The following NBEA variants were observed in gnomAD, a reference collection of about 807,000 sequenced individuals.
NBEA encodes lysosomal-trafficking regulator 2.
NBEA carries 44 observed loss-of-function variants against 343.4 expected under a neutral mutation model. The ratio of observed to expected loss-of-function variants is 0.13; its 90% confidence interval spans 0.10 to 0.16. NBEA has a LOEUF of 0.16. NBEA is among the 10% of genes least tolerant of loss of function. The pLI, the probability that NBEA is intolerant of heterozygous loss-of-function variation, is 1.00. For missense variants in NBEA, 2,555 were observed against 3,631.3 expected (o/e 0.70, Z 7.62); for synonymous variants, 1,175 against 1,238.7 (o/e 0.95, Z 1.08).
intron 1 of NBEA, among the ~76,000 whole-genome samples, chr13:35,035,490 C>T (rs1014242422): frequency 6.6e-6 from 1 of 151,776 alleles, no homozygotes; most frequent in African/African-American, 2.4e-5. Context: ...TTCTGCAGCT[C>T]CTGGATGAAA....
chr13:35,067,814 G>T (rs1454714398), intron 8 of NBEA, among the ~76,000 whole-genome samples: 1 of 151,994 alleles, frequency 6.6e-6, no homozygotes, highest in African/African-American at 2.4e-5. Context: ...ATGGCTCATT[G>T]TGGTCTCAAA....
At chr13:35,277,820 C>G (rs999554081) in intron 34 of NBEA, among the ~76,000 whole-genome samples, 50 of 151,538 alleles carry the variant, frequency 3.3e-4, no homozygotes, top group African/African-American at 1.1e-3. Context: ...GTTACAGTGG[C>G]TCACACCTGT....
intron 34 of NBEA, among the ~76,000 whole-genome samples, chr13:35,281,752 C>T (rs17051980): frequency 0.042 from 6,428 of 151,788 alleles, 156 homozygotes; most frequent in South Asian, 0.078. Context: ...ACAAAAGCTA[C>T]CTGAAATTTA....
intron 14 of NBEA, 106 bp downstream of exon 14, chr13:35,117,599 A>G: frequency 2.3e-6 from 1 of 431,948 alleles, no homozygotes; most frequent in East Asian, 5.1e-5. Flanking sequence ...TAATTCATGA[A>G]TTGCTTTCAA....
chr13:35,089,654 C>G (rs1467987622), intron 10 of NBEA, among the ~76,000 whole-genome samples: 3 of 126,226 alleles, frequency 2.4e-5, no homozygotes, highest in South Asian at 3.1e-4. Context: ...AGACTTGGAA[C>G]CAACCCAAAT....
At chr13:35,567,677 A>C (rs534924768) in intron 45 of NBEA, among the ~76,000 whole-genome samples, 1 of 152,366 alleles carries the variant, frequency 6.6e-6, no homozygotes, top group Admixed American at 6.5e-5. Context: ...TATGTTAGCC[A>C]TAGTAAAGCC....
At chr13:34,970,350 C>G (rs974118277) in intron 1 of NBEA, among the ~76,000 whole-genome samples, 1 of 151,994 alleles carries the variant, frequency 6.6e-6, no homozygotes, top group African/African-American at 2.4e-5. Flanking sequence ...CGTAGGTTGT[C>G]TGTTTACCCT....
chr13:35,628,857 G>T (rs533562558), intron 49 of NBEA, among the ~76,000 whole-genome samples: 1 of 152,208 alleles, frequency 6.6e-6, no homozygotes, highest in Non-Finnish European at 1.5e-5. Flanking sequence ...GGCAGAGGTT[G>T]CCATGAGCCA....
At chr13:34,977,042 G>C (rs1177892757) in intron 1 of NBEA, among the ~76,000 whole-genome samples, 1 of 150,510 alleles carries the variant, frequency 6.6e-6, no homozygotes, top group African/African-American at 2.4e-5. Flanking sequence ...CCAGGTTCAA[G>C]TGATTCTCCT....
At chr13:35,531,864 T>C (rs2152998939) in intron 41 of NBEA, among the ~76,000 whole-genome samples, 1 of 152,226 alleles carries the variant, frequency 6.6e-6, no homozygotes, top group East Asian at 1.9e-4. Flanking sequence ...AACCTGCCCC[T>C]ATGGAACATC....
intron 1 of NBEA, among the ~76,000 whole-genome samples, chr13:35,015,561 C>T (rs2061629333): frequency 6.6e-6 from 1 of 151,606 alleles, no homozygotes; most frequent in South Asian, 2.1e-4. Context: ...CATTACATTA[C>T]TCTAACAAGT....
At position 35,418,058 on chromosome 13, in the gene NBEA, G is replaced by GCAA. The variant is rs1486927531; in HGVS notation, c.6180-14209_6180-14207dup. Among the ~76,000 whole-genome samples the GCAA allele has an allele frequency of 3.3e-5, 5 of 152,086 alleles. No individual in the cohort carries two copies. The East Asian group carries it at 9.6e-4, about 29-fold the overall frequency. The stretch of plus-strand genomic sequence containing the variant: ...GTCTGTTTTATCAGAGACTAGGATT[G>GCAA]CAACCCCTGCTTTGTTTTGTTTTCC... On this transcript the variant is annotated intron_variant, in intron 38 of 58. Coordinates refer to ENST00000379939, the MANE Select transcript of NBEA (RefSeq NM_001385012.1).
intron 38 of NBEA, among the ~76,000 whole-genome samples, chr13:35,361,324 G>A (rs867410955): frequency 1.3e-5 from 2 of 152,044 alleles, no homozygotes; most frequent in Non-Finnish European, 2.9e-5. Flanking sequence ...AATTCCAGAC[G>A]ACCTCTTTCA....
chr13:35,279,180 G>A (rs117175380), intron 34 of NBEA, among the ~76,000 whole-genome samples: 3,513 of 152,194 alleles, frequency 0.023, 51 homozygotes, highest in Non-Finnish European at 0.033. Context: ...ACATAGATGA[G>A]AATATCACAG....
chr13:35,142,336 A>T lies in NBEA; in HGVS notation c.2404A>T (p.Thr802Ser). 4 of 1,613,336 alleles carry T rather than the reference A, an allele frequency of 2.5e-6. No individual in the cohort carries two copies. Among genetic ancestry groups the T allele is most frequent in the Non-Finnish European group, 2.5e-6 (3 of 1,179,512 alleles). Residue 802 changes from threonine (T) to serine (S), a missense_variant, in exon 18 of 59, where the codon ACA becomes TCA. Transcript: ENST00000379939. ...TLLGERLMLH[T>S]NTVTVTTYNT... ...TCTTGGAGAAAGGCTGATGTTGCAT[A>T]CAAACACTGTGACTGTCACCACATA...
intron 38 of NBEA, among the ~76,000 whole-genome samples, chr13:35,368,241 C>G (rs2041237247): frequency 1.3e-5 from 2 of 151,532 alleles, no homozygotes; most frequent in African/African-American, 4.8e-5. Context: ...TAAATTCCAG[C>G]TATTTCTAAT....
chr13:35,113,623 A>ATCTG lies in NBEA; in HGVS notation c.2002+2648_2002+2649insGTCT, dbSNP rs1191636626. On this transcript the variant is annotated intron_variant, in intron 13 of 58. Coordinates refer to ENST00000379939, the MANE Select transcript of NBEA (RefSeq NM_001385012.1). Reference sequence around the variant, plus strand: ...TATCTATCTATCTATCTATCTATCTATCTATCTGTCTGTCTATCATCTTTT... The same window carrying ATCTG: ...TATCTATCTATCTATCTATCTATCTATCTGTCTATCTGTCTGTCTATCATCTTTT... 1.7e-3 allele frequency among the ~76,000 whole-genome samples: 250 copies of ATCTG among 150,338 alleles called. 3 individuals are homozygous for ATCTG. The highest frequency in any genetic ancestry group is 5.8e-3 in the African/African-American group (234 of 40,182).
intron 41 of NBEA, among the ~76,000 whole-genome samples, chr13:35,485,984 G>A (rs1286172510): frequency 6.6e-6 from 1 of 152,020 alleles, no homozygotes; most frequent in Admixed American, 6.6e-5. Context: ...TATAAATCAG[G>A]TAATAGGTAA....
rs73171530 is a variant in NBEA, at chr13:35,530,688, C to T, written c.6586-19789C>T. ...ACCGTTATTGAGGGCTTAAAAGAAA[C>T]AATAGTGTAATACTTCATAAAATAG... On this transcript the variant is annotated intron_variant, in intron 41 of 58. Coordinates refer to ENST00000379939, the MANE Select transcript of NBEA (RefSeq NM_001385012.1). Among the ~76,000 whole-genome samples, 1,486 of 152,242 alleles carry T rather than the reference C, an allele frequency of 9.8e-3. 9 individuals carry two copies. The highest frequency in any genetic ancestry group is 0.014 in the Non-Finnish European group (971 of 68,002).
Sources: allele counts gnomAD v4.1 joint callset (sites outside exome capture counted in the v4.1 genomes callset), GRCh38; gene constraint gnomAD v4.1.1; transcripts MANE v1.5; gene names NCBI Gene and HGNC (gene_info 2026-07-23, HGNC 2026-07-21).